GNA14: variants seen among roughly 807,000 people sequenced by gnomAD.
GNA14 encodes the protein G protein subunit alpha 14.
Under a neutral mutation model 42.0 loss-of-function variants are expected in GNA14, and 50 were observed. That is an observed-to-expected ratio of 1.19 (90% CI 0.95 to 1.51). GNA14 has a LOEUF of 1.51. Ranked by LOEUF, GNA14 falls within the 40% of genes most tolerant of loss-of-function variation. The pLI is 0.00. For missense variants in GNA14, 473 were observed against 446.2 expected (o/e 1.06, Z -0.54); for synonymous variants, 173 against 163.1 (o/e 1.06, Z -0.46).
intron 1 of GNA14, among the ~76,000 whole-genome samples, chr9:77,531,581 G>A (rs34929485): frequency 0.14 from 21,534 of 152,038 alleles, 1,734 homozygotes; most frequent in Non-Finnish European, 0.15. Context: ...TACCCCAAGC[G>A]AACATTAATA....
intron 1 of GNA14, among the ~76,000 whole-genome samples, chr9:77,551,813 T>C (rs1276437025): frequency 3.9e-5 from 6 of 152,146 alleles, no homozygotes; most frequent in Non-Finnish European, 8.8e-5. Context: ...TCAGTGATTT[T>C]AGAAGGCCAG....
At chr9:77,487,908 A>C (rs1475992843) in intron 2 of GNA14, among the ~76,000 whole-genome samples, 1 of 152,198 alleles carries the variant, frequency 6.6e-6, no homozygotes, top group African/African-American at 2.4e-5. Flanking sequence ...TAGGAACAAC[A>C]ATGTGCCAAA....
intron 2 of GNA14, 37 bp downstream of exon 2, chr9:77,529,032 A>C: frequency 6.3e-7 from 1 of 1,576,352 alleles, no homozygotes; most frequent in Non-Finnish European, 8.7e-7. Flanking sequence ...GCAGGCATAC[A>C]TTCACAAATA....
chr9:77,567,618 G>C (rs955488611), intron 1 of GNA14, among the ~76,000 whole-genome samples: 9 of 152,200 alleles, frequency 5.9e-5, no homozygotes, highest in African/African-American at 1.9e-4. Flanking sequence ...TGTAATCCCA[G>C]CACTTTGGGA....
At chr9:77,602,325 C>A (rs1230792730) in intron 1 of GNA14, among the ~76,000 whole-genome samples, 1 of 152,254 alleles carries the variant, frequency 6.6e-6, no homozygotes, top group Non-Finnish European at 1.5e-5. Flanking sequence ...AGACTAAATT[C>A]TTTTCCCAAG....
intron 1 of GNA14, among the ~76,000 whole-genome samples, chr9:77,605,053 C>A (rs1157021750): frequency 2.0e-5 from 3 of 152,248 alleles, no homozygotes; most frequent in Non-Finnish European, 4.4e-5. Flanking sequence ...GTTCTAGACA[C>A]TCGGTTTAAA....
At chr9:77,598,415 G>C (rs1823501060) in intron 1 of GNA14, among the ~76,000 whole-genome samples, 1 of 152,148 alleles carries the variant, frequency 6.6e-6, no homozygotes, top group African/African-American at 2.4e-5. Context: ...AGTGATTTCT[G>C]ACCCCTCATG....
chr9:77,511,018 C>T (rs916327307), intron 2 of GNA14, among the ~76,000 whole-genome samples: 6 of 151,170 alleles, frequency 4.0e-5, no homozygotes, highest in African/African-American at 1.5e-4. Flanking sequence ...GGATCTCAAG[C>T]CCCTGGATTA....
At position 77,640,281 on chromosome 9, in the gene GNA14, G is replaced by T. The variant is rs142379672; in HGVS notation, c.124+7389C>A. ...CCTGGTGACAGTCCTTCCGATAAAT[G>T]ATTGTCTCCTCTTTGAATTTCAACC... On this transcript the variant is annotated intron_variant, in intron 1 of 6. Transcript: ENST00000341700. 1.0e-3 allele frequency among the ~76,000 whole-genome samples: 157 copies of T among 152,264 alleles called. 1 individual carries two copies. Among genetic ancestry groups the T allele is most frequent in the African/African-American group, 3.7e-3 (153 of 41,558 alleles).
intron 2 of GNA14, among the ~76,000 whole-genome samples, chr9:77,468,629 C>T (rs1204466385): frequency 6.6e-6 from 1 of 152,206 alleles, no homozygotes; most frequent in Non-Finnish European, 1.5e-5. Context: ...TGACTGTGAT[C>T]TGATTTGGTC....
At chr9:77,622,370 T>G (rs1013096864) in intron 1 of GNA14, among the ~76,000 whole-genome samples, 4 of 152,142 alleles carry the variant, frequency 2.6e-5, no homozygotes, top group Non-Finnish European at 5.9e-5. Flanking sequence ...TAAAAGAACT[T>G]AGAAAGTGTA....
intron 2 of GNA14, among the ~76,000 whole-genome samples, chr9:77,447,887 G>GT (rs1835848841): frequency 6.6e-6 from 1 of 152,222 alleles, no homozygotes; most frequent in African/African-American, 2.4e-5. Context: ...GGGAAATGTG[G>GT]TTTTCCCATG....
At chr9:77,501,804 G>A (rs1160216109) in intron 2 of GNA14, among the ~76,000 whole-genome samples, 7 of 147,972 alleles carry the variant, frequency 4.7e-5, no homozygotes, top group East Asian at 2.0e-4. Context: ...TCCGCCTCCC[G>A]GGTTCACCCC....
chr9:77,423,948 T>G lies in GNA14; in HGVS notation c.*31A>C. On this transcript the variant is annotated 3_prime_UTR_variant, in exon 7 of 7. Transcript: ENST00000341700. ...AACAAGGAGTTTGCAAATCACATCTTCTGTTATAGGGGAGGAGTGGGCAGC... is the reference window on the plus strand; with the variant it reads ...AACAAGGAGTTTGCAAATCACATCTGCTGTTATAGGGGAGGAGTGGGCAGC... 6.8e-7 allele frequency: 1 copy of G among 1,481,342 alleles called. No individual in the cohort carries two copies. Among genetic ancestry groups the G allele is most frequent in the Non-Finnish European group, 9.1e-7 (1 of 1,096,504 alleles). The allele number at this position is 1,481,342 out of a possible 1,614,324, so 91.8% of individuals were successfully genotyped here.
intron 2 of GNA14, among the ~76,000 whole-genome samples, chr9:77,524,643 T>C (rs10781442): frequency 0.68 from 102,829 of 151,966 alleles, 34,935 homozygotes; most frequent in Admixed American, 0.74. Flanking sequence ...TACGACTGAA[T>C]CACTAATCAG....
At chr9:77,507,474 C>T (rs897028155) in intron 2 of GNA14, among the ~76,000 whole-genome samples, 1 of 152,148 alleles carries the variant, frequency 6.6e-6, no homozygotes, top group Non-Finnish European at 1.5e-5. Context: ...GATCCAATGC[C>T]ATGGCTGAGA....
intron 1 of GNA14, among the ~76,000 whole-genome samples, chr9:77,613,872 G>C (rs1823770797): frequency 6.6e-6 from 1 of 152,148 alleles, no homozygotes; most frequent in African/African-American, 2.4e-5. Flanking sequence ...ACTCCTGTTG[G>C]AAATGAGAGG....
intron 2 of GNA14, among the ~76,000 whole-genome samples, chr9:77,475,770 C>T (rs755805585): frequency 7.9e-5 from 12 of 152,176 alleles, no homozygotes; most frequent in Non-Finnish European, 1.6e-4. Flanking sequence ...AAACCCCGTG[C>T]ACCTAGGAGA....
intron 1 of GNA14, among the ~76,000 whole-genome samples, chr9:77,622,068 G>A (rs964096205): frequency 2.0e-5 from 3 of 152,160 alleles, no homozygotes; most frequent in African/African-American, 4.8e-5. Flanking sequence ...TGGGATTACA[G>A]GCACAAGCCA....
Sources: gnomAD v4.1 joint callset for allele counts (sites outside exome capture counted in the v4.1 genomes callset) on GRCh38, gnomAD v4.1.1 for gene constraint, MANE v1.5 for transcripts, NCBI Gene and HGNC (gene_info 2026-07-23, HGNC 2026-07-21) for gene names.